Variants in WNT7A observed in about 807,000 individuals in gnomAD.
WNT7A encodes the protein Wnt family member 7A.
In WNT7A, 16 loss-of-function variants were observed where a neutral mutation model predicts 28.2. The observed-to-expected ratio is 0.57, with a 90% CI of 0.38 to 0.86. WNT7A has a LOEUF of 0.86. WNT7A is among the 40% of genes least tolerant of loss of function. WNT7A has a pLI of 0.00. For missense variants in WNT7A, 411 were observed against 489.7 expected (o/e 0.84, Z 1.52); for synonymous variants, 190 against 195.9 (o/e 0.97, Z 0.25).
At chr3:13,875,199 G>A (rs368802286) in intron 1 of WNT7A, 26 bp from the exon 2 acceptor site, 5 of 1,612,560 alleles carry the variant, frequency 3.1e-6, no homozygotes, top group Non-Finnish European at 3.4e-6. Context: ...CAGAGAGATG[G>A]AGCATTAGGC....
chr3:13,834,733 T>C (rs1694338807), intron 3 of WNT7A, among the ~76,000 whole-genome samples: 1 of 152,160 alleles, frequency 6.6e-6, no homozygotes, highest in East Asian at 1.9e-4. Flanking sequence ...TCACCTTCCC[T>C]ATGAGGCTCT....
intron 3 of WNT7A, among the ~76,000 whole-genome samples, chr3:13,828,842 G>A (rs1463924266): frequency 6.6e-6 from 1 of 152,158 alleles, no homozygotes; most frequent in African/African-American, 2.4e-5. Flanking sequence ...GTATGATGTG[G>A]CCAAAGGCAG....
In WNT7A at chr3:13,879,928, G is replaced by C; in HGVS notation, c.-112C>G. 7 of 836,820 alleles carry C rather than the reference G, an allele frequency of 8.4e-6. 1 individual carries two copies. Among genetic ancestry groups the C allele is most frequent in the Non-Finnish European group, 9.8e-6 (6 of 610,640 alleles). The allele number at this position is 836,820 out of a possible 1,614,324, so 51.8% of individuals were successfully genotyped here. On this transcript the variant is annotated 5_prime_UTR_variant, in exon 1 of 4. Coordinates refer to ENST00000285018, the MANE Select transcript of WNT7A (RefSeq NM_004625.4). Reference sequence around the variant, plus strand: ...GGAGGCGCGAGCCGAGGCGTCCCCGGGGCCGTCTGTCGGTGCGCCCGTCCG... The same window carrying C: ...GGAGGCGCGAGCCGAGGCGTCCCCGCGGCCGTCTGTCGGTGCGCCCGTCCG...
chr3:13,846,974 G>A (rs557282682), intron 3 of WNT7A, among the ~76,000 whole-genome samples: 3 of 152,302 alleles, frequency 2.0e-5, no homozygotes, highest in East Asian at 3.9e-4. Context: ...GGTCACAGAC[G>A]TTTCCAGTCT....
intron 2 of WNT7A, among the ~76,000 whole-genome samples, chr3:13,870,366 G>A (rs1237511146): frequency 6.6e-6 from 1 of 152,186 alleles, no homozygotes; most frequent in Non-Finnish European, 1.5e-5. Flanking sequence ...GGGAGAAGGT[G>A]GCAAGCCCAA....
At chr3:13,840,865 A>G (rs1223514704) in intron 3 of WNT7A, among the ~76,000 whole-genome samples, 1 of 152,100 alleles carries the variant, frequency 6.6e-6, no homozygotes, top group East Asian at 1.9e-4. Flanking sequence ...TCAGCCATGC[A>G]CTCATCCAAA....
intron 3 of WNT7A, among the ~76,000 whole-genome samples, chr3:13,847,388 GC>G (rs1694555139): frequency 6.6e-6 from 1 of 152,214 alleles, no homozygotes; most frequent in African/African-American, 2.4e-5. Context: ...CAGGAGCCAG[GC>G]CCTAGGTGCA....
At position 13,878,283 on chromosome 3, in the gene WNT7A, C is replaced by G. The variant is rs559538553; in HGVS notation, c.71+1463G>C. On this transcript the variant is annotated intron_variant, in intron 1 of 3. Transcript: ENST00000285018. ...CCCCGCCACCCGTGTCCCTCCTCCCCGTTTCTAATTAAAAAGGAGATAAAG... is the reference window on the plus strand; with the variant it reads ...CCCCGCCACCCGTGTCCCTCCTCCCGGTTTCTAATTAAAAAGGAGATAAAG... Among the ~76,000 whole-genome samples the G allele has an allele frequency of 1.9e-3, 286 of 152,240 alleles. 1 individual carries two copies. Among genetic ancestry groups the G allele is most frequent in the African/African-American group, 5.9e-3 (245 of 41,552 alleles).
chr3:13,817,309 A>T lies in WNT7A; in HGVS notation c.*1635T>A, dbSNP rs969239499. The T allele has an allele frequency of 3.3e-5, 5 of 152,222 alleles. No individual in the cohort carries two copies. Among genetic ancestry groups the T allele is most frequent in the African/African-American group, 1.2e-4 (5 of 41,428 alleles). The allele number at this position is 152,222 out of a possible 1,614,324, so 9.4% of individuals were successfully genotyped here. On this transcript the variant is annotated 3_prime_UTR_variant, in exon 4 of 4. Transcript: ENST00000285018. ...CCTGATCTCCCAGGCACACGGAGAG[A>T]AACAGACGCTTGGGTAGCACGGAAA...
In WNT7A at chr3:13,827,798, A is replaced by T. The variant is rs941187883; in HGVS notation, c.571-8375T>A. On this transcript the variant is annotated intron_variant, in intron 3 of 3. Coordinates refer to ENST00000285018, the MANE Select transcript of WNT7A (RefSeq NM_004625.4). ...CCAAAGGCTTCCCAGCGTTGAACAC[A>T]CTGCTTGCTGTCATCCCTGCCCCCA... is the stretch of plus-strand genomic sequence containing the variant. Among the ~76,000 whole-genome samples, 4 of 152,174 alleles carry T rather than the reference A, an allele frequency of 2.6e-5. No individual in the cohort carries two copies. The East Asian group carries it at 7.7e-4, about 29-fold the overall frequency.
intron 3 of WNT7A, among the ~76,000 whole-genome samples, chr3:13,830,653 C>T (rs1694267122): frequency 6.6e-6 from 1 of 152,110 alleles, no homozygotes; most frequent in African/African-American, 2.4e-5. Flanking sequence ...GTCCATGGAC[C>T]ACATGGTGGC....
At chr3:13,876,124 AGG>A in intron 1 of WNT7A, among the ~76,000 whole-genome samples, 1 of 152,348 alleles carries the variant, frequency 6.6e-6, no homozygotes, top group South Asian at 2.1e-4. Context: ...GACTTCCTTG[AGG>A]AGTTGACATT....
intron 1 of WNT7A, among the ~76,000 whole-genome samples, chr3:13,876,643 T>C (rs984503453): frequency 1.3e-5 from 2 of 152,156 alleles, no homozygotes; most frequent in African/African-American, 2.4e-5. Context: ...CATGGACCCA[T>C]GCCCTCCAAG....
At chr3:13,864,846 CTGT>C in intron 2 of WNT7A, among the ~76,000 whole-genome samples, 1 of 152,274 alleles carries the variant, frequency 6.6e-6, no homozygotes, top group African/African-American at 2.4e-5. Context: ...GCATGCTTTC[CTGT>C]ACTTGTATGG....
At chr3:13,872,949 A>G (rs1695048184) in intron 2 of WNT7A, among the ~76,000 whole-genome samples, 1 of 152,110 alleles carries the variant, frequency 6.6e-6, no homozygotes, top group Non-Finnish European at 1.5e-5. Flanking sequence ...ATAACATCTT[A>G]TATATCAGAA....
intron 2 of WNT7A, among the ~76,000 whole-genome samples, chr3:13,874,067 G>A (rs973887026): frequency 6.6e-6 from 1 of 152,164 alleles, no homozygotes; most frequent in African/African-American, 2.4e-5. Flanking sequence ...ATGAGATGGG[G>A]GAGCGTGGGA....
chr3:13,830,034 C>A (rs2124834641), intron 3 of WNT7A, among the ~76,000 whole-genome samples: 1 of 152,244 alleles, frequency 6.6e-6, no homozygotes, highest in African/African-American at 2.4e-5. Flanking sequence ...CTTTAAGCAG[C>A]CCCTGCAATG....
In WNT7A at chr3:13,875,133, A is replaced by T; in HGVS notation, c.112T>A (p.Cys38Ser). 6.2e-7 allele frequency: 1 copy of T among 1,614,184 alleles called. No individual in the cohort carries two copies. The highest frequency in any genetic ancestry group is 8.5e-7 in the Non-Finnish European group (1 of 1,180,034). ...SVVALGASIICNKIPGLAPRQ... is the reference protein window; with the variant it reads ...SVVALGASIISNKIPGLAPRQ... ...GGAGCCAGGCCTGGGATCTTGTTACAGATGATGCTTGCGCCCAGAGCTACC... is the reference window on the plus strand; with the variant it reads ...GGAGCCAGGCCTGGGATCTTGTTACTGATGATGCTTGCGCCCAGAGCTACC... The change falls in exon 2 of 4, where the codon TGT becomes AGT. Residue 38 changes from cysteine (C) to serine (S), a missense_variant. Coordinates refer to ENST00000285018, the MANE Select transcript of WNT7A (RefSeq NM_004625.4).
rs1243998138 is a variant in WNT7A, at chr3:13,818,715, C to A, written c.*229G>T. On this transcript the variant is annotated 3_prime_UTR_variant, in exon 4 of 4. Transcript: ENST00000285018. ...AGGCTTCGCTCCAGCCGCGGAGGGA[C>A]CTGGGCTGTGTCTGGGGGAGGGTGG... 46 of 574,382 alleles carry A rather than the reference C, an allele frequency of 8.0e-5. No homozygotes were observed. The highest frequency in any genetic ancestry group is 1.1e-4 in the Non-Finnish European group (41 of 357,548). The allele number at this position is 574,382 out of a possible 1,614,324, so 35.6% of individuals were successfully genotyped here.
Sources: gnomAD v4.1 joint callset for allele counts (sites outside exome capture counted in the v4.1 genomes callset) on GRCh38, gnomAD v4.1.1 for gene constraint, MANE v1.5 for transcripts, NCBI Gene and HGNC (gene_info 2026-07-23, HGNC 2026-07-21) for gene names.